Variants in ENTREP2 observed in about 807,000 individuals in gnomAD.
ENTREP2 encodes protein ENTREP2.
the ENTREP2 span, among the ~76,000 whole-genome samples, chr15:29,548,924 A>G: frequency 6.6e-6 from 1 of 152,210 alleles, no homozygotes; most frequent in African/African-American, 2.4e-5. Flanking sequence ...TGTGTAATGA[A>G]CTGCAACTTA....
the ENTREP2 span, among the ~76,000 whole-genome samples, chr15:29,218,379 G>A: frequency 1.3e-5 from 2 of 152,172 alleles, no homozygotes; most frequent in Middle Eastern, 3.4e-3. Context: ...TTGTGAAAAC[G>A]ATCATACGGC....
At chr15:29,639,597 T>C in the ENTREP2 span, among the ~76,000 whole-genome samples, 1 of 151,598 alleles carries the variant, frequency 6.6e-6, no homozygotes, top group Non-Finnish European at 1.5e-5. Flanking sequence ...AGAAAAAAGA[T>C]CTCAAATCAA....
the ENTREP2 span, among the ~76,000 whole-genome samples, chr15:29,425,533 T>G: frequency 2.0e-5 from 3 of 152,208 alleles, no homozygotes; most frequent in Non-Finnish European, 2.9e-5. Flanking sequence ...GATTTTTGCT[T>G]TTTACCCCAA....
the ENTREP2 span, among the ~76,000 whole-genome samples, chr15:29,561,399 A>G: frequency 6.6e-6 from 1 of 152,270 alleles, no homozygotes; most frequent in African/African-American, 2.4e-5. Context: ...TAAATGTAGA[A>G]GGAATGGGCC....
At chr15:29,553,895 T>G in the ENTREP2 span, among the ~76,000 whole-genome samples, 1 of 152,112 alleles carries the variant, frequency 6.6e-6, no homozygotes, top group Non-Finnish European at 1.5e-5. Flanking sequence ...CAAGCAAGAA[T>G]CACCCAGCAG....
the ENTREP2 span, among the ~76,000 whole-genome samples, chr15:29,664,553 G>A: frequency 6.6e-6 from 1 of 152,052 alleles, no homozygotes; most frequent in Admixed American, 6.6e-5. Flanking sequence ...ATGGCAGTGT[G>A]GGTATGGCCT....
chr15:29,209,151 T>C, the ENTREP2 span, among the ~76,000 whole-genome samples: 1 of 152,174 alleles, frequency 6.6e-6, no homozygotes, highest in Non-Finnish European at 1.5e-5. Flanking sequence ...GTACTTACAA[T>C]GTGTGCTTTC....
chr15:29,156,237 T>C, the ENTREP2 span, among the ~76,000 whole-genome samples: 1 of 152,082 alleles, frequency 6.6e-6, no homozygotes, highest in Non-Finnish European at 1.5e-5. Context: ...CATGCTGGAG[T>C]GCAGTAGCGT....
the ENTREP2 span, among the ~76,000 whole-genome samples, chr15:29,339,023 T>G: frequency 6.6e-6 from 1 of 152,156 alleles, no homozygotes; most frequent in African/African-American, 2.4e-5. Flanking sequence ...GTCTCTCCAC[T>G]GCCCTCAAAG....
At chr15:29,303,110 C>T in the ENTREP2 span, among the ~76,000 whole-genome samples, 24,769 of 152,108 alleles carry the variant, frequency 0.16, 3,379 homozygotes, top group African/African-American at 0.38. Flanking sequence ...GGAGCCCACA[C>T]GACACTCCTT....
chr15:29,269,807 A>T, the ENTREP2 span: 1 of 1,157,260 alleles, frequency 8.6e-7, no homozygotes, highest in Non-Finnish European at 1.1e-6. Context: ...AGGCGCGCGC[A>T]GTGTCGGCTG....
At chr15:29,541,299 C>T in the ENTREP2 span, among the ~76,000 whole-genome samples, 13 of 152,186 alleles carry the variant, frequency 8.5e-5, no homozygotes, top group African/African-American at 1.7e-4. Flanking sequence ...TTCCGTAAAT[C>T]GGTACTGAGC....
chr15:29,251,368 C>T, the ENTREP2 span, among the ~76,000 whole-genome samples: 1 of 152,188 alleles, frequency 6.6e-6, no homozygotes, highest in East Asian at 1.9e-4. Context: ...TATTACAGTA[C>T]CATGAGCTAA....
the ENTREP2 span, chr15:29,124,745 G>C: frequency 1.3e-6 from 2 of 1,550,626 alleles, no homozygotes; most frequent in East Asian, 4.9e-5. Flanking sequence ...ACGACGGCCT[G>C]TGTGAAGAGG....
the ENTREP2 span, among the ~76,000 whole-genome samples, chr15:29,332,143 G>A: frequency 2.0e-4 from 31 of 152,206 alleles, no homozygotes; most frequent in East Asian, 5.8e-3. Flanking sequence ...ATTTACACTA[G>A]TACCAGCTAA....
the ENTREP2 span, among the ~76,000 whole-genome samples, chr15:29,496,216 A>T: frequency 1.3e-5 from 2 of 151,876 alleles, no homozygotes; most frequent in Non-Finnish European, 2.9e-5. Flanking sequence ...CTAATGTGTT[A>T]TTAGTGTACA....
At chr15:29,550,575 C>A in the ENTREP2 span, among the ~76,000 whole-genome samples, 1 of 152,152 alleles carries the variant, frequency 6.6e-6, no homozygotes, top group Non-Finnish European at 1.5e-5. Flanking sequence ...AATAGTTTAT[C>A]CAAACTGAAA....
At chr15:29,334,786 G>C in the ENTREP2 span, among the ~76,000 whole-genome samples, 1 of 152,134 alleles carries the variant, frequency 6.6e-6, no homozygotes, top group African/African-American at 2.4e-5. Flanking sequence ...AAGCCTCTTG[G>C]AGCCTCTTAG....
At chr15:29,514,756 T>G in the ENTREP2 span, among the ~76,000 whole-genome samples, 1 of 152,318 alleles carries the variant, frequency 6.6e-6, no homozygotes, top group East Asian at 1.9e-4. Flanking sequence ...ATCACCTATT[T>G]TCTAAAGATG....
Sources: gnomAD v4.1 joint callset for allele counts (sites outside exome capture counted in the v4.1 genomes callset) on GRCh38, gnomAD v4.1.1 for gene constraint, MANE v1.5 for transcripts, NCBI Gene and HGNC (gene_info 2026-07-23, HGNC 2026-07-21) for gene names.